The following MARCHF1 variants were observed in gnomAD, a reference collection of about 807,000 sequenced individuals.
MARCHF1 encodes the protein E3 ubiquitin-protein ligase MARCHF1.
A neutral mutation model predicts 54.2 loss-of-function variants in MARCHF1; 40 were observed. The observed-to-expected ratio is 0.74, with a 90% CI of 0.57 to 0.96. The LOEUF is 0.96. Ranked by LOEUF, MARCHF1 falls within the 40% of genes least tolerant of loss-of-function variation. The pLI is 0.00. For missense variants in MARCHF1, 586 were observed against 656.5 expected (o/e 0.89, Z 1.17); for synonymous variants, 236 against 236.3 (o/e 1.00, Z 0.01).
intron 3 of MARCHF1, among the ~76,000 whole-genome samples, chr4:163,988,227 T>TCAAAA (rs796091006): frequency 7.9e-5 from 12 of 152,290 alleles, no homozygotes; most frequent in African/African-American, 2.9e-4. Context: ...AAGTCAAAAG[T>TCAAAA]GACTCCATAG....
intron 5 of MARCHF1, among the ~76,000 whole-genome samples, chr4:163,697,892 C>T (rs1744684767): frequency 6.6e-6 from 1 of 152,106 alleles, no homozygotes; most frequent in South Asian, 2.1e-4. Context: ...ATTATTACAC[C>T]TAGAAAACAT....
At chr4:163,529,243 G>A (rs1214352490) in intron 9 of MARCHF1, among the ~76,000 whole-genome samples, 197 bp from the exon 10 acceptor site, 1 of 151,914 alleles carries the variant, frequency 6.6e-6, no homozygotes, top group Non-Finnish European at 1.5e-5. Flanking sequence ...TACATGTACT[G>A]TCAAAATTGT....
intron 2 of MARCHF1, among the ~76,000 whole-genome samples, chr4:164,028,327 C>T (rs1369200346): frequency 6.6e-6 from 1 of 152,138 alleles, no homozygotes; most frequent in Non-Finnish European, 1.5e-5. Context: ...AACCTATGTG[C>T]TCATCAGTGG....
At chr4:164,050,731 G>A (rs1194305732) in intron 2 of MARCHF1, among the ~76,000 whole-genome samples, 5 of 152,078 alleles carry the variant, frequency 3.3e-5, no homozygotes, top group African/African-American at 9.7e-5. Flanking sequence ...TCAGGAGTTC[G>A]AGACCAGCCT....
At chr4:163,781,568 AG>A (rs1747467456) in intron 4 of MARCHF1, among the ~76,000 whole-genome samples, 3 of 152,232 alleles carry the variant, frequency 2.0e-5, no homozygotes, top group Admixed American at 2.0e-4. Context: ...GTGGGATAAA[AG>A]CTAATGGCCA....
At chr4:163,813,673 AAAGTG>A (rs1748455373) in intron 4 of MARCHF1, among the ~76,000 whole-genome samples, 1 of 152,220 alleles carries the variant, frequency 6.6e-6, no homozygotes, top group Non-Finnish European at 1.5e-5. Flanking sequence ...ATAAAACTAT[AAAGTG>A]AAGAAATGAG....
At chr4:163,549,202 C>T (rs1299902515) in intron 8 of MARCHF1, among the ~76,000 whole-genome samples, 5 of 152,188 alleles carry the variant, frequency 3.3e-5, no homozygotes, top group African/African-American at 1.2e-4. Flanking sequence ...TCTTGAGCTC[C>T]GCTTTGGAGA....
chr4:164,098,198 A>T (rs2111148980), intron 2 of MARCHF1, among the ~76,000 whole-genome samples: 1 of 152,324 alleles, frequency 6.6e-6, no homozygotes, highest in African/African-American at 2.4e-5. Flanking sequence ...AGATAATCAT[A>T]AGGCCATGAC....
At chr4:164,164,947 A>T (rs1730332556) in intron 1 of MARCHF1, among the ~76,000 whole-genome samples, 1 of 152,032 alleles carries the variant, frequency 6.6e-6, no homozygotes, top group Non-Finnish European at 1.5e-5. Flanking sequence ...ATCTAGAATC[A>T]TAAAATAATC....
At chr4:164,231,008 T>C (rs1182299336) in intron 1 of MARCHF1, among the ~76,000 whole-genome samples, 1 of 152,052 alleles carries the variant, frequency 6.6e-6, no homozygotes, top group East Asian at 1.9e-4. Context: ...GCTCAAGAAA[T>C]CCTTTCACCT....
chr4:163,943,111 GT>G (rs1224369442), intron 3 of MARCHF1, among the ~76,000 whole-genome samples: 1 of 152,112 alleles, frequency 6.6e-6, no homozygotes, highest in Non-Finnish European at 1.5e-5. Context: ...CAAATGCATA[GT>G]TTTCAAAAAT....
chr4:164,361,487 C>G (rs1223853916), intron 1 of MARCHF1, among the ~76,000 whole-genome samples: 2 of 152,118 alleles, frequency 1.3e-5, no homozygotes. Context: ...TCTACTGAAA[C>G]TGCTGTTTAT....
intron 1 of MARCHF1, among the ~76,000 whole-genome samples, chr4:164,335,772 C>A (rs990278554): frequency 6.6e-6 from 1 of 152,084 alleles, no homozygotes; most frequent in Non-Finnish European, 1.5e-5. Flanking sequence ...AAAATAGGTA[C>A]ATTTTTGGAC....
At chr4:163,878,867 T>C (rs1177816964) in intron 3 of MARCHF1, among the ~76,000 whole-genome samples, 1 of 152,228 alleles carries the variant, frequency 6.6e-6, no homozygotes, top group Non-Finnish European at 1.5e-5. Flanking sequence ...GAATGCTACC[T>C]GGAGGCCCCT....
intron 3 of MARCHF1, among the ~76,000 whole-genome samples, chr4:163,912,265 G>A (rs927648624): frequency 6.6e-5 from 10 of 152,000 alleles, no homozygotes; most frequent in African/African-American, 1.4e-4. Flanking sequence ...TTTTGTGCTG[G>A]GCTAAAAACT....
chr4:163,770,074 C>T lies in MARCHF1; in HGVS notation c.112-69211G>A, dbSNP rs1337102372. Reference sequence around the variant, plus strand: ...CTTATGATTTTCTTGATAATATTTGCTTTTCTCTAGCTTATTTTAAGAATA... The same window carrying T: ...CTTATGATTTTCTTGATAATATTTGTTTTTCTCTAGCTTATTTTAAGAATA... On this transcript the variant is annotated intron_variant, in intron 4 of 9. Transcript: ENST00000514618. 7.7e-5 allele frequency among the ~76,000 whole-genome samples: 3 copies of T among 38,868 alleles called. No individual in the cohort carries two copies. In the Admixed American group the frequency reaches 1.2e-3, roughly 16 times the overall value. 25.5% of individuals were successfully genotyped at this position (38,868 alleles called of 152,430 possible).
chr4:163,617,132 G>A (rs1003347467), intron 5 of MARCHF1, among the ~76,000 whole-genome samples: 3 of 152,106 alleles, frequency 2.0e-5, no homozygotes, highest in Non-Finnish European at 4.4e-5. Flanking sequence ...GGAGACAGCA[G>A]GTTAAGTAAA....
In MARCHF1 at chr4:163,554,151, A is replaced by G. The variant is rs541005546; in HGVS notation, c.1192-8408T>C. Reference sequence around the variant, plus strand: ...CAGGGAAAATGCAACTTATAAATCCAAGCATGGTTGAAATATCATTTTTAA... The same window carrying G: ...CAGGGAAAATGCAACTTATAAATCCGAGCATGGTTGAAATATCATTTTTAA... On this transcript the variant is annotated intron_variant, in intron 8 of 9. Coordinates refer to ENST00000514618, the MANE Select transcript of MARCHF1 (RefSeq NM_001394959.1). Among the ~76,000 whole-genome samples, 5 of 152,342 alleles carry G rather than the reference A, an allele frequency of 3.3e-5. No individual in the cohort carries two copies. In the South Asian group the frequency reaches 1.0e-3, roughly 32 times the overall value.
intron 2 of MARCHF1, among the ~76,000 whole-genome samples, chr4:164,111,172 C>G (rs1281295117): frequency 6.6e-6 from 1 of 151,766 alleles, no homozygotes; most frequent in Non-Finnish European, 1.5e-5. Context: ...TAAAATTACT[C>G]TGTATCCTAA....
Sources: allele counts gnomAD v4.1 joint callset (sites outside exome capture counted in the v4.1 genomes callset), GRCh38; gene constraint gnomAD v4.1.1; transcripts MANE v1.5; gene names NCBI Gene and HGNC (gene_info 2026-07-23, HGNC 2026-07-21).